NHEJ1: variants seen among roughly 807,000 people sequenced by gnomAD.
The protein encoded by NHEJ1 is non-homologous end-joining factor 1.
Under a neutral mutation model 39.4 loss-of-function variants are expected in NHEJ1, and 22 were observed. The observed-to-expected ratio is 0.56, with a 90% CI of 0.40 to 0.80. NHEJ1 has a LOEUF of 0.80. Among genes scored for constraint, NHEJ1 ranks in the 30% least tolerant of loss-of-function variants. NHEJ1 has a pLI of 0.00. For missense variants in NHEJ1, 329 were observed against 357.1 expected, an observed-to-expected ratio of 0.92 and a Z score of 0.63; for synonymous variants, 154 against 135.6, an observed-to-expected ratio of 1.14 and a Z score of -0.94.
chr2:219,114,435 T>TG (rs963883340), intron 5 of NHEJ1, among the ~76,000 whole-genome samples: 1 of 152,218 alleles, frequency 6.6e-6, no homozygotes, highest in Admixed American at 6.5e-5. Context: ...TAGAATGTCT[T>TG]GGCCTAAGCA....
At chr2:219,154,584 A>C (rs1485838327) in intron 3 of NHEJ1, among the ~76,000 whole-genome samples, 1 of 152,168 alleles carries the variant, frequency 6.6e-6, no homozygotes, top group African/African-American at 2.4e-5. Context: ...ATCCACCTAC[A>C]TCCTTACCCG....
intron 1 of NHEJ1, 35 bp from the exon 2 acceptor site, chr2:219,158,397 G>A: frequency 1.2e-6 from 2 of 1,608,418 alleles, no homozygotes; most frequent in Non-Finnish European, 1.7e-6. Context: ...AAGAGCCTCA[G>A]GGTCATGCTG....
intron 5 of NHEJ1, among the ~76,000 whole-genome samples, chr2:219,140,605 C>T (rs112145287): frequency 2.4e-4 from 37 of 152,238 alleles, no homozygotes; most frequent in South Asian, 1.7e-3. Context: ...GGTTTTTTCA[C>T]CCAACTAAAA....
intron 5 of NHEJ1, among the ~76,000 whole-genome samples, chr2:219,082,165 T>C (rs1559186389): frequency 2.0e-5 from 3 of 152,300 alleles, no homozygotes; most frequent in East Asian, 1.9e-4. Flanking sequence ...TACTTACTCA[T>C]AGTAGTGTGA....
At chr2:219,134,023 A>T (rs1195789953) in intron 5 of NHEJ1, among the ~76,000 whole-genome samples, 1 of 152,028 alleles carries the variant, frequency 6.6e-6, no homozygotes, top group African/African-American at 2.4e-5. Flanking sequence ...CTCTCCAGCT[A>T]TCTCATTTAT....
intron 5 of NHEJ1, among the ~76,000 whole-genome samples, chr2:219,079,250 C>T (rs1187630005): frequency 1.3e-5 from 2 of 151,780 alleles, no homozygotes; most frequent in Non-Finnish European, 2.9e-5. Context: ...TTTCACCTGT[C>T]CCTAGGCGTG....
chr2:219,081,458 C>T (rs957312928), intron 5 of NHEJ1, among the ~76,000 whole-genome samples: 2 of 152,168 alleles, frequency 1.3e-5, no homozygotes, highest in South Asian at 4.1e-4. Context: ...AAAGAAGAGT[C>T]AGGTCAGCCT....
chr2:219,076,995 C>T (rs955008416), intron 7 of NHEJ1, among the ~76,000 whole-genome samples: 2 of 152,178 alleles, frequency 1.3e-5, no homozygotes, highest in Admixed American at 6.5e-5. Context: ...TGGCCATCAC[C>T]GGAAGTGGGA....
At chr2:219,154,056 C>A (rs1316011938) in intron 3 of NHEJ1, among the ~76,000 whole-genome samples, 1 of 152,084 alleles carries the variant, frequency 6.6e-6, no homozygotes, top group East Asian at 1.9e-4. Flanking sequence ...CTACTGACAG[C>A]AGATCAATTA....
At chr2:219,080,668 T>TA (rs1559185964) in intron 5 of NHEJ1, among the ~76,000 whole-genome samples, 3 of 16,336 alleles carry the variant, frequency 1.8e-4, no homozygotes, top group East Asian at 6.3e-4. Context: ...TATATAAGCT[T>TA]TTATATATGC....
At chr2:219,117,465 G>A (rs1477298648) in intron 5 of NHEJ1, among the ~76,000 whole-genome samples, 3 of 152,134 alleles carry the variant, frequency 2.0e-5, no homozygotes, top group Non-Finnish European at 4.4e-5. Flanking sequence ...TTCTTCATGG[G>A]GCACAGCCAA....
At chr2:219,133,027 T>C (rs1238398380) in intron 5 of NHEJ1, among the ~76,000 whole-genome samples, 1 of 152,168 alleles carries the variant, frequency 6.6e-6, no homozygotes, top group Non-Finnish European at 1.5e-5. Context: ...GAAAAACAAA[T>C]AGACCAAAGA....
At chr2:219,145,942 TAA>T (rs796264986) in intron 5 of NHEJ1, among the ~76,000 whole-genome samples, 2 of 92,918 alleles carry the variant, frequency 2.2e-5, no homozygotes. Context: ...CAAAAAAAAA[TAA>T]AAAAAAAAAA....
At chr2:219,137,586 A>AAAC (rs1553547554) in intron 5 of NHEJ1, among the ~76,000 whole-genome samples, 1 of 138,712 alleles carries the variant, frequency 7.2e-6, no homozygotes, top group Admixed American at 7.3e-5. Context: ...AAAAAAAAAA[A>AAAC]AAAAAACAAA....
Position 219,120,887 on chromosome 2 carries a change from T to A in NHEJ1, c.588+25793A>T, listed in dbSNP as rs184790241. Among the ~76,000 whole-genome samples, 21 of 152,196 alleles carry A rather than the reference T, an allele frequency of 1.4e-4. 1 individual carries two copies. Among genetic ancestry groups the A allele is most frequent in the African/African-American group, 5.1e-4 (21 of 41,528 alleles). On this transcript the variant is annotated intron_variant, in intron 5 of 7. Transcript: ENST00000356853. The stretch of plus-strand genomic sequence containing the variant: ...TCCAAGCAGGACTCTACTATACTGA[T>A]CATTATGTAAAGAATCTTAAAGAAA...
chr2:219,148,887 C>G (rs530029038), intron 3 of NHEJ1, among the ~76,000 whole-genome samples: 70 of 151,892 alleles, frequency 4.6e-4, no homozygotes, highest in Non-Finnish European at 8.4e-4. Flanking sequence ...CACAACCCCC[C>G]CTTTTTTTTT....
intron 5 of NHEJ1, among the ~76,000 whole-genome samples, chr2:219,137,864 TA>T (rs1355514434): frequency 2.6e-5 from 4 of 152,162 alleles, no homozygotes; most frequent in Non-Finnish European, 5.9e-5. Context: ...CTATGGCCCT[TA>T]TTATCATTCA....
intron 4 of NHEJ1, among the ~76,000 whole-genome samples, chr2:219,147,055 C>CCATG (rs1949748000): frequency 6.6e-6 from 1 of 152,230 alleles, no homozygotes; most frequent in Non-Finnish European, 1.5e-5. Flanking sequence ...GTCCATGTTG[C>CCATG]TCTGGTACAA....
At chr2:219,081,662 TGC>T (rs759173193) in intron 5 of NHEJ1, among the ~76,000 whole-genome samples, 35 of 152,324 alleles carry the variant, frequency 2.3e-4, no homozygotes, top group Non-Finnish European at 4.0e-4. Context: ...AGTTCATATT[TGC>T]ATGTGGGAGA....
Sources: allele counts gnomAD v4.1 joint callset (sites outside exome capture counted in the v4.1 genomes callset), GRCh38; gene constraint gnomAD v4.1.1; transcripts MANE v1.5; gene names NCBI Gene and HGNC (gene_info 2026-07-23, HGNC 2026-07-21).